OOSP4B: variants seen among roughly 807,000 people sequenced by gnomAD.
The protein encoded by OOSP4B is oocyte-secreted protein 4B.
At chr11:60,019,759 A>C (rs893394033) in intron 1 of OOSP4B, among the ~76,000 whole-genome samples, 1 of 152,176 alleles carries the variant, frequency 6.6e-6, no homozygotes, top group Non-Finnish European at 1.5e-5. Context: ...CAAAGAATAA[A>C]GCTTCCACAG....
intron 1 of OOSP4B, among the ~76,000 whole-genome samples, chr11:60,018,947 T>G (rs1274560538): frequency 2.0e-5 from 3 of 152,312 alleles, no homozygotes; most frequent in African/African-American, 7.2e-5. Context: ...CCGGGTGCAG[T>G]GGCTCACGCC....
At chr11:60,020,510 G>C (rs948172274) in intron 1 of OOSP4B, among the ~76,000 whole-genome samples, 2 of 152,218 alleles carry the variant, frequency 1.3e-5, no homozygotes, top group African/African-American at 4.8e-5. Flanking sequence ...CGGCGGCTCC[G>C]AGTGTGGGGC....
intron 3 of OOSP4B, among the ~76,000 whole-genome samples, chr11:60,027,654 T>TGAAAAAAAAAAAAAAAAAAAA (rs1854757000): frequency 1.7e-5 from 1 of 57,322 alleles, no homozygotes; most frequent in Non-Finnish European, 3.2e-5. Context: ...GGCTATGATA[T>TGAAAAAAAAAAAAAAAAAAAA]TAAAAAAAAA....
intron 3 of OOSP4B, among the ~76,000 whole-genome samples, chr11:60,028,971 T>G (rs1479832580): frequency 1.6e-5 from 2 of 121,874 alleles, no homozygotes; most frequent in African/African-American, 6.4e-5. Flanking sequence ...GCCGTCTATA[T>G]AGGCATCCAC....
At chr11:60,017,235 G>A (rs908365124) in exon 1 of OOSP4B, 2 of 396,264 alleles carry the variant, frequency 5.0e-6, no homozygotes, top group South Asian at 1.4e-4. Context: ...CAGCTGATGG[G>A]CCATGTTTTG....
chr11:60,019,587 A>C (rs1854665751), intron 1 of OOSP4B: 1 of 152,964 alleles, frequency 6.5e-6, no homozygotes, highest in Non-Finnish European at 1.4e-5. Context: ...CGCGGTGAGT[A>C]TTAGAGCTCT....
At chr11:60,022,788 G>A (rs1022960092) in intron 1 of OOSP4B, among the ~76,000 whole-genome samples, 1 of 151,934 alleles carries the variant, frequency 6.6e-6, no homozygotes, top group Admixed American at 6.5e-5. Context: ...ATAGTAAAAT[G>A]TGAAATGTCA....
chr11:60,017,496 G>A (rs1854639502), intron 1 of OOSP4B, 83 bp downstream of exon 1: 3 of 398,196 alleles, frequency 7.5e-6, no homozygotes, highest in Admixed American at 8.8e-5. Flanking sequence ...TTCAGAGGTG[G>A]TGATTTAAAC....
At chr11:60,020,314 C>A (rs1035528781) in intron 1 of OOSP4B, among the ~76,000 whole-genome samples, 1 of 152,124 alleles carries the variant, frequency 6.6e-6, no homozygotes, top group African/African-American at 2.4e-5. Flanking sequence ...AGGGGGCCCC[C>A]GCTTGTTGGG....
At chr11:60,028,841 C>T (rs914378772) in intron 3 of OOSP4B, among the ~76,000 whole-genome samples, 1 of 152,146 alleles carries the variant, frequency 6.6e-6, no homozygotes, top group Non-Finnish European at 1.5e-5. Flanking sequence ...AAATGCCGGT[C>T]TTCCTCACTT....
intron 3 of OOSP4B, among the ~76,000 whole-genome samples, chr11:60,027,604 A>T (rs985885355): frequency 1.1e-4 from 17 of 147,840 alleles, no homozygotes; most frequent in South Asian, 2.2e-4. Context: ...TTAGTTTTTC[A>T]AACAGCCTTT....
chr11:60,025,132 T>C, intron 3 of OOSP4B, 127 bp downstream of exon 3: 1 of 392,530 alleles, frequency 2.5e-6, no homozygotes, highest in Non-Finnish European at 4.5e-6. Flanking sequence ...AAAGTTTCTC[T>C]AACTCTAAGG....
At position 60,019,772 on chromosome 11, in the gene OOSP4B, T is replaced by C. The variant is rs1173246150; in HGVS notation, c.22+2359T>C. 3.3e-5 allele frequency among the ~76,000 whole-genome samples: 5 copies of C among 152,226 alleles called. No individual in the cohort carries two copies. The East Asian group carries it at 7.7e-4, about 23-fold the overall frequency. On this transcript the variant is annotated intron_variant, in intron 1 of 4. Transcript: ENST00000642343. ...GCCAAAGAATAAAGCTTCCACAGTT[T>C]GGAAGGAGACCCCCAACGGGTTGCC... is the stretch of plus-strand genomic sequence containing the variant.
chr11:60,018,612 G>T (rs1332488360), intron 1 of OOSP4B, among the ~76,000 whole-genome samples: 1 of 152,164 alleles, frequency 6.6e-6, no homozygotes, highest in African/African-American at 2.4e-5. Flanking sequence ...TCTAACAACC[G>T]AAGCTAATGA....
intron 3 of OOSP4B, among the ~76,000 whole-genome samples, chr11:60,028,409 A>T (rs1392458930): frequency 3.9e-5 from 6 of 151,900 alleles, no homozygotes; most frequent in Non-Finnish European, 7.4e-5. Context: ...CAAGTGATCC[A>T]CCTGCCTCGG....
intron 1 of OOSP4B, among the ~76,000 whole-genome samples, chr11:60,023,332 T>C (rs1258504733): frequency 6.6e-6 from 1 of 152,220 alleles, no homozygotes; most frequent in African/African-American, 2.4e-5. Context: ...GTATAAGAAA[T>C]CTAATCTCAA....
chr11:60,023,532 T>A (rs951643500), intron 1 of OOSP4B, among the ~76,000 whole-genome samples: 8 of 152,184 alleles, frequency 5.3e-5, no homozygotes, highest in Non-Finnish European at 1.0e-4. Context: ...CCTCCTGGGC[T>A]CAAGCAATTC....
chr11:60,020,329 C>T (rs1258913510), intron 1 of OOSP4B, among the ~76,000 whole-genome samples: 1 of 152,162 alleles, frequency 6.6e-6, no homozygotes, highest in Admixed American at 6.5e-5. Context: ...GTTGGGGAGG[C>T]TCCTGCCGCT....
At chr11:60,023,593 C>A (rs951606083) in intron 1 of OOSP4B, among the ~76,000 whole-genome samples, 29 of 152,116 alleles carry the variant, frequency 1.9e-4, no homozygotes, top group Non-Finnish European at 1.6e-4. Flanking sequence ...CGCCACCATG[C>A]TTGGATAATT....
Sources: allele counts gnomAD v4.1 joint callset (sites outside exome capture counted in the v4.1 genomes callset), GRCh38; gene constraint gnomAD v4.1.1; transcripts MANE v1.5; gene names NCBI Gene and HGNC (gene_info 2026-07-23, HGNC 2026-07-21).